Variants in MMP11 observed in about 807,000 individuals in gnomAD.
MMP11 encodes matrix metallopeptidase 11.
Under a neutral mutation model 49.5 loss-of-function variants are expected in MMP11, and 26 were observed. The ratio of observed to expected loss-of-function variants is 0.52; its 90% CI spans 0.38 to 0.73. The LOEUF is 0.73. Among genes scored for constraint, MMP11 ranks in the 30% least tolerant of loss-of-function variants. MMP11 has a pLI of 0.00. For missense variants in MMP11, 624 were observed against 671.2 expected (o/e 0.93, Z 0.78); for synonymous variants, 265 against 282.3 (o/e 0.94, Z 0.62).
At chr22:23,773,987 G>A (rs991369259) in intron 1 of MMP11, among the ~76,000 whole-genome samples, 3 of 152,172 alleles carry the variant, frequency 2.0e-5, no homozygotes, top group Non-Finnish European at 4.4e-5. Flanking sequence ...GATGGGATGG[G>A]TGGGGTAGAG....
Position 23,780,007 on chromosome 22 carries a change from G to C in MMP11, c.339-352G>C, listed in dbSNP as rs1302970638. 1 of 346,834 alleles carries C rather than the reference G, an allele frequency of 2.9e-6. No homozygotes were observed. The highest frequency in any genetic ancestry group is 5.4e-6 in the Non-Finnish European group (1 of 183,878). 21.5% of individuals were successfully genotyped at this position (346,834 alleles called of 1,614,324 possible). ...GTCACACAGCATTGGAGCTGAGACT[G>C]GGGTCTTTAGAATTTCCTAGGTGGG... On this transcript the variant is annotated intron_variant, in intron 2 of 7. Transcript: ENST00000215743. The surrounding 1 kb of genome is among the most constrained non-coding windows in gnomAD (Gnocchi z 4.6).
chr22:23,783,582 C>T lies in MMP11; in HGVS notation c.*38C>T, dbSNP rs1927726804. 1 of 1,610,504 alleles carries T rather than the reference C, an allele frequency of 6.2e-7. No homozygotes were observed. The highest frequency in any genetic ancestry group is 8.5e-7 in the Non-Finnish European group (1 of 1,177,210). On this transcript the variant is annotated 3_prime_UTR_variant, in exon 8 of 8. Transcript: ENST00000215743. ...TGCCCTCAGGGGTGCTGACCCCTGCCAGGCCACGAATATCAGGCTAGAGAC... is the reference window on the plus strand; with the variant it reads ...TGCCCTCAGGGGTGCTGACCCCTGCTAGGCCACGAATATCAGGCTAGAGAC...
At chr22:23,775,543 C>T (rs1223652593) in intron 1 of MMP11, among the ~76,000 whole-genome samples, 1 of 152,200 alleles carries the variant, frequency 6.6e-6, no homozygotes, top group Non-Finnish European at 1.5e-5. Flanking sequence ...CTCATGGGCT[C>T]TAAAAAAATA....
At chr22:23,782,561 C>A in intron 7 of MMP11, 78 bp downstream of exon 7, 1 of 1,479,956 alleles carries the variant, frequency 6.8e-7, no homozygotes, top group Non-Finnish European at 9.0e-7. Context: ...TGGGCTCCCA[C>A]ATGCCTGCCA....
At chr22:23,779,610 G>A (rs1927543271) in intron 2 of MMP11, 194 bp downstream of exon 2, 2 of 593,034 alleles carry the variant, frequency 3.4e-6, no homozygotes, top group Non-Finnish European at 6.0e-6. Context: ...ATACACATAT[G>A]GAGACCCTCC....
At chr22:23,776,566 G>A (rs1927417391) in intron 1 of MMP11, among the ~76,000 whole-genome samples, 1 of 152,202 alleles carries the variant, frequency 6.6e-6, no homozygotes, top group Non-Finnish European at 1.5e-5. Context: ...TCCTTCAGGG[G>A]AAGGGTAACT....
rs774794580 is a variant in MMP11, at chr22:23,783,563, C to G, written c.*19C>G. 2 of 1,613,744 alleles carry G rather than the reference C, an allele frequency of 1.2e-6. No homozygotes were observed. The highest frequency in any genetic ancestry group is 4.5e-5 in the East Asian group (2 of 44,872). ...CCTCTGACCATGGCTTGGATGCCCT[C>G]AGGGGTGCTGACCCCTGCCAGGCCA... On this transcript the variant is annotated 3_prime_UTR_variant, in exon 8 of 8. Coordinates refer to ENST00000215743, the MANE Select transcript of MMP11 (RefSeq NM_005940.5).
intron 2 of MMP11, chr22:23,779,733 C>T: frequency 2.2e-6 from 1 of 445,412 alleles, no homozygotes; most frequent in African/African-American, 2.0e-5. Context: ...GGACCAGGCT[C>T]TGGGACTCCA....
chr22:23,782,024 A>G (rs1601375631), intron 6 of MMP11: 2 of 758,696 alleles, frequency 2.6e-6, no homozygotes, highest in Non-Finnish European at 4.4e-6. Flanking sequence ...ACTAGTTTAC[A>G]GAGCATTCAC....
Position 23,774,217 on chromosome 22 carries a change from A to G in MMP11, c.108+1239A>G, listed in dbSNP as rs28363616. Among the ~76,000 whole-genome samples, 1,343 of 152,256 alleles carry G rather than the reference A, an allele frequency of 8.8e-3. 22 individuals are homozygous for G. The highest frequency in any genetic ancestry group is 0.011 in the Non-Finnish European group (755 of 67,996). The stretch of plus-strand genomic sequence containing the variant: ...AATGGGAGTGCAGGTGGGAGGGGGC[A>G]ATGGTGCCTACTGCTGTGTCCACTG... On this transcript the variant is annotated intron_variant, in intron 1 of 7. Coordinates refer to ENST00000215743, the MANE Select transcript of MMP11 (RefSeq NM_005940.5).
intron 1 of MMP11, among the ~76,000 whole-genome samples, chr22:23,775,702 T>G (rs1431493449): frequency 6.6e-6 from 1 of 152,252 alleles, no homozygotes; most frequent in African/African-American, 2.4e-5. Context: ...TTCTCTTTTC[T>G]AGGCCTGAAA....
Position 23,779,434 on chromosome 22 carries a change from G to A in MMP11, c.338+18G>A, listed in dbSNP as rs1927536450. On this transcript the variant is annotated intron_variant, in intron 2 of 7. Transcript: ENST00000215743. ...ACCTACAGGTAGGGGCCTGGGAGCA[G>A]GACACTAGGATGCCACCTGTGTGTC... is the stretch of plus-strand genomic sequence containing the variant. 1.9e-6 allele frequency: 3 copies of A among 1,593,716 alleles called. No homozygotes were observed. In the African/African-American group the frequency reaches 4.0e-5, roughly 21 times the overall value.
Position 23,780,923 on chromosome 22 carries a change from A to G in MMP11, c.681A>G (p.Thr227=). The part of the protein sequence containing the change: ...FGHVLGLQHT[T]AAKALMSAFY... Reference sequence around the variant, plus strand: ...ACGTGCTGGGGCTGCAGCACACAACAGCAGCCAAGGCCCTGATGTCCGCCT... The same window carrying G: ...ACGTGCTGGGGCTGCAGCACACAACGGCAGCCAAGGCCCTGATGTCCGCCT... The change falls in exon 5 of 8, where the codon ACA becomes ACG. Residue 227 remains threonine, a synonymous_variant. Transcript: ENST00000215743. The surrounding 1 kb of genome is among the most constrained non-coding windows in gnomAD (Gnocchi z 4.6). 1 of 1,613,934 alleles carries G rather than the reference A, an allele frequency of 6.2e-7. No individual in the cohort carries two copies. The highest frequency in any genetic ancestry group is 8.5e-7 in the Non-Finnish European group (1 of 1,180,006).
At position 23,780,869 on chromosome 22, in the gene MMP11, G is replaced by C; in HGVS notation, c.627G>C (p.Leu209=). The C allele has an allele frequency of 6.2e-7, 1 of 1,613,510 alleles. No individual in the cohort carries two copies. Among genetic ancestry groups the C allele is most frequent in the African/African-American group, 1.3e-5 (1 of 75,060 alleles). ...ACCTCCCTTTTTCAGGCACAGACCT[G>C]CTGCAGGTGGCAGCCCATGAATTTG... ...WTIGDDQGTD[L]LQVAAHEFGH... Residue 209 remains leucine (L), a synonymous_variant, in exon 5 of 8, where the codon CTG becomes CTC. Coordinates refer to ENST00000215743, the MANE Select transcript of MMP11 (RefSeq NM_005940.5). This position sits in a 1 kb window ranked among gnomAD's most constrained non-coding sequence, Gnocchi z 4.6.
intron 7 of MMP11, 53 bp from the exon 8 acceptor site, chr22:23,783,358 A>T: frequency 6.2e-7 from 1 of 1,602,740 alleles, no homozygotes; most frequent in Non-Finnish European, 8.5e-7. Flanking sequence ...CCTGACAGGC[A>T]GGAGTAGGGC....
intron 1 of MMP11, among the ~76,000 whole-genome samples, chr22:23,776,735 GAGGT>G (rs773069998): frequency 2.6e-5 from 4 of 152,106 alleles, no homozygotes; most frequent in Non-Finnish European, 5.9e-5. Context: ...GAGTTGGTGA[GAGGT>G]TCCATCAGGG....
At position 23,782,264 on chromosome 22, in the gene MMP11, C is replaced by G. The variant is rs528664552; in HGVS notation, c.1114C>G (p.Leu372Val). ...GGTGTACGACGGTGAAAAGCCAGTCCTGGGCCCCGCACCCCTCACCGAGCT... is the reference window on the plus strand; with the variant it reads ...GGTGTACGACGGTGAAAAGCCAGTCGTGGGCCCCGCACCCCTCACCGAGCT... ...YWVYDGEKPV[L>V]GPAPLTELGL... is the part of the protein sequence containing the mutation. The change falls in exon 7 of 8, where the codon CTG (leucine) becomes GTG (valine). Residue 372 changes from leucine (L) to valine (V), a missense_variant. Transcript: ENST00000215743. 4.3e-6 allele frequency: 7 copies of G among 1,613,742 alleles called. No individual in the cohort carries two copies. Among genetic ancestry groups the G allele is most frequent in the Admixed American group, 1.7e-5 (1 of 60,004 alleles).
At chr22:23,773,642 A>G (rs1198805235) in intron 1 of MMP11, among the ~76,000 whole-genome samples, 1 of 152,164 alleles carries the variant, frequency 6.6e-6, no homozygotes, top group East Asian at 1.9e-4. Flanking sequence ...GGAGAGGAGA[A>G]GAAAGCCCAG....
chr22:23,782,559 C>T (rs1373498295), intron 7 of MMP11, 76 bp downstream of exon 7: 6 of 1,484,714 alleles, frequency 4.0e-6, no homozygotes, highest in Non-Finnish European at 9.0e-7. Context: ...GCTGGGCTCC[C>T]ACATGCCTGC....
Sources: allele counts gnomAD v4.1 joint callset (sites outside exome capture counted in the v4.1 genomes callset), GRCh38; gene constraint gnomAD v4.1.1; non-coding constraint Gnocchi (gnomAD v3.1); transcripts MANE v1.5; gene names NCBI Gene and HGNC (gene_info 2026-07-23, HGNC 2026-07-21).